The following CNTNAP2 variants were observed in gnomAD, a reference collection of about 807,000 sequenced individuals.
CNTNAP2 encodes the protein contactin-associated protein-like 2.
Under a neutral mutation model 155.2 loss-of-function variants are expected in CNTNAP2, and 98 were observed. The observed-to-expected ratio is 0.63, with a 90% CI of 0.54 to 0.75. The LOEUF (loss-of-function observed/expected upper bound fraction) is 0.75. Among genes scored for constraint, CNTNAP2 ranks in the 30% least tolerant of loss-of-function variants. The probability of loss-of-function intolerance (pLI) is 0.00; values close to 1 mark genes in which losing one functional copy is unlikely to be tolerated. For synonymous variants in CNTNAP2, 651 were observed against 631.2 expected (o/e 1.03, Z -0.47); for missense variants, 1,727 against 1,688.1 (o/e 1.02, Z -0.40).
intron 9 of CNTNAP2, among the ~76,000 whole-genome samples, chr7:147,324,211 T>C (rs549461712): frequency 6.6e-6 from 1 of 152,160 alleles, no homozygotes; most frequent in East Asian, 1.9e-4. Flanking sequence ...CAGGAGCTAC[T>C]CTTGATTTTG....
intron 1 of CNTNAP2, among the ~76,000 whole-genome samples, chr7:146,684,926 T>C (rs891008204): frequency 6.6e-6 from 1 of 152,140 alleles, no homozygotes; most frequent in Non-Finnish European, 1.5e-5. Flanking sequence ...GTCAATTAAA[T>C]AATGTAAGCT....
chr7:146,310,509 AT>A (rs1800800816), intron 1 of CNTNAP2, among the ~76,000 whole-genome samples: 1 of 151,980 alleles, frequency 6.6e-6, no homozygotes, highest in African/African-American at 2.4e-5. Context: ...TGTAACTATA[AT>A]TGTACTATTT....
intron 1 of CNTNAP2, among the ~76,000 whole-genome samples, chr7:146,599,111 A>G (rs1798907772): frequency 6.6e-6 from 1 of 152,034 alleles, no homozygotes; most frequent in African/African-American, 2.4e-5. Flanking sequence ...TGCCTTCAAG[A>G]TATGTCTAGA....
chr7:146,923,712 G>C (rs999406742), intron 3 of CNTNAP2, among the ~76,000 whole-genome samples: 3 of 151,990 alleles, frequency 2.0e-5, no homozygotes, highest in Admixed American at 6.6e-5. Context: ...TATCGCATTC[G>C]TCATTATAAT....
At chr7:147,830,550 A>G (rs1392577448) in intron 13 of CNTNAP2, among the ~76,000 whole-genome samples, 1 of 152,190 alleles carries the variant, frequency 6.6e-6, no homozygotes, top group African/African-American at 2.4e-5. Flanking sequence ...AGCTGTAAAG[A>G]AGGGAAAATC....
intron 13 of CNTNAP2, among the ~76,000 whole-genome samples, chr7:147,651,150 A>G (rs1050336474): frequency 2.0e-5 from 3 of 152,186 alleles, no homozygotes; most frequent in Admixed American, 2.0e-4. Flanking sequence ...ATTGCAAGGA[A>G]TTGGCTTATG....
At chr7:146,404,652 T>G (rs1040977728) in intron 1 of CNTNAP2, among the ~76,000 whole-genome samples, 50 of 152,084 alleles carry the variant, frequency 3.3e-4, no homozygotes, top group Admixed American at 2.6e-3. Context: ...GCCTGCAGGA[T>G]CTGGAACCTG....
chr7:147,365,718 T>G (rs1264920539), intron 9 of CNTNAP2, among the ~76,000 whole-genome samples: 1 of 152,162 alleles, frequency 6.6e-6, no homozygotes. Context: ...AGATTTTTAG[T>G]CTTACAAAGT....
At chr7:146,475,013 G>GCGCGCACACACACA (rs71525954) in intron 1 of CNTNAP2, among the ~76,000 whole-genome samples, 174 of 144,366 alleles carry the variant, frequency 1.2e-3, no homozygotes, top group African/African-American at 2.8e-3. Flanking sequence ...GCGCGCGCGC[G>GCGCGCACACACACA]CACACACACA....
At chr7:146,690,548 G>C (rs1800681033) in intron 1 of CNTNAP2, among the ~76,000 whole-genome samples, 1 of 152,060 alleles carries the variant, frequency 6.6e-6, no homozygotes, top group African/African-American at 2.4e-5. Context: ...TAAATGTTTT[G>C]TATATGTGAA....
chr7:146,828,352 G>A (rs2129197997), intron 2 of CNTNAP2, among the ~76,000 whole-genome samples: 1 of 152,068 alleles, frequency 6.6e-6, no homozygotes, highest in East Asian at 1.9e-4. Context: ...CCACTTGATA[G>A]TTTTGCTAAT....
At chr7:147,653,588 G>A (rs887512810) in intron 13 of CNTNAP2, among the ~76,000 whole-genome samples, 6 of 152,164 alleles carry the variant, frequency 3.9e-5, no homozygotes, top group Non-Finnish European at 7.4e-5. Context: ...AGGGAGAGCA[G>A]ACTAGAGGAA....
At chr7:146,483,180 G>C (rs1796991364) in intron 1 of CNTNAP2, among the ~76,000 whole-genome samples, 1 of 149,296 alleles carries the variant, frequency 6.7e-6, no homozygotes, top group African/African-American at 2.5e-5. Context: ...GGGGGCTGAG[G>C]CAGGAGAATG....
At chr7:146,562,643 G>A (rs774795197) in intron 1 of CNTNAP2, among the ~76,000 whole-genome samples, 2 of 152,014 alleles carry the variant, frequency 1.3e-5, no homozygotes, top group South Asian at 2.1e-4. Context: ...TATGTTTAAC[G>A]CTACTGTGCA....
chr7:147,330,943 C>T (rs1171003978), intron 9 of CNTNAP2, among the ~76,000 whole-genome samples: 1 of 152,124 alleles, frequency 6.6e-6, no homozygotes, highest in African/African-American at 2.4e-5. Flanking sequence ...ATGAAACTAT[C>T]TGTATTCAAG....
At chr7:147,194,869 T>G (rs1802752792) in intron 8 of CNTNAP2, among the ~76,000 whole-genome samples, 1 of 152,194 alleles carries the variant, frequency 6.6e-6, no homozygotes, top group Non-Finnish European at 1.5e-5. Context: ...GTTCTGTAGG[T>G]TGCCTGTTCA....
At chr7:146,468,228 G>A (rs62503525) in intron 1 of CNTNAP2, among the ~76,000 whole-genome samples, 11,646 of 152,128 alleles carry the variant, frequency 0.077, 477 homozygotes, top group Non-Finnish European at 0.094. Context: ...CCCACTTGTA[G>A]GTAAGAACAT....
intron 13 of CNTNAP2, among the ~76,000 whole-genome samples, chr7:147,889,610 A>C (rs1473842154): frequency 6.6e-6 from 1 of 152,210 alleles, no homozygotes; most frequent in Non-Finnish European, 1.5e-5. Context: ...ATTATAGAAG[A>C]AGCTTTTAAT....
At chr7:147,083,495 G>C (rs1339442338) in intron 4 of CNTNAP2, among the ~76,000 whole-genome samples, 8 of 144,552 alleles carry the variant, frequency 5.5e-5, no homozygotes, top group Non-Finnish European at 1.2e-4. Context: ...AGACTAACTC[G>C]TTTTCAGGTT....
Sources: gnomAD v4.1 joint callset for allele counts (sites outside exome capture counted in the v4.1 genomes callset) on GRCh38, gnomAD v4.1.1 for gene constraint, MANE v1.5 for transcripts, NCBI Gene and HGNC (gene_info 2026-07-23, HGNC 2026-07-21) for gene names.